Variants in SGCZ observed in about 807,000 individuals in gnomAD.
The protein encoded by SGCZ is sarcoglycan zeta.
A neutral mutation model predicts 41.3 loss-of-function variants in SGCZ; 40 were observed. The ratio of observed to expected loss-of-function variants is 0.97; its 90% confidence interval spans 0.75 to 1.26. The LOEUF (loss-of-function observed/expected upper bound fraction) is 1.26. SGCZ is among the 50% of genes most tolerant of loss of function. SGCZ has a pLI of 0.00. For synonymous variants in SGCZ, 206 were observed against 137.5 expected (o/e 1.50, Z -3.49); for missense variants, 552 against 369.8 (o/e 1.49, Z -4.04).
At chr8:14,759,953 T>C (rs1462758285) in intron 1 of SGCZ, among the ~76,000 whole-genome samples, 1 of 152,196 alleles carries the variant, frequency 6.6e-6, no homozygotes, top group East Asian at 1.9e-4. Flanking sequence ...ATTTAAAAAC[T>C]TGAAATTGTA....
At chr8:15,084,982 T>C (rs1303593676) in intron 1 of SGCZ, among the ~76,000 whole-genome samples, 2 of 152,180 alleles carry the variant, frequency 1.3e-5, no homozygotes, top group Admixed American at 6.5e-5. Flanking sequence ...GCAATAATTA[T>C]GATTATGTGC....
rs369145949 is a variant in SGCZ, at chr8:15,016,489, G to A, written c.39+221096C>T. Among the ~76,000 whole-genome samples, 42 of 152,302 alleles carry A rather than the reference G, an allele frequency of 2.8e-4. No homozygotes were observed. In the East Asian group the frequency reaches 4.8e-3, roughly 18 times the overall value. On this transcript the variant is annotated intron_variant, in intron 1 of 7. Coordinates refer to ENST00000382080, the MANE Select transcript of SGCZ (RefSeq NM_139167.4). ...CAATAGATGTCTCAGGTAAAAGAGA[G>A]AAGAGACACAAAGAAAGAATAAAGC...
intron 5 of SGCZ, among the ~76,000 whole-genome samples, chr8:14,141,779 C>T (rs559248576): frequency 6.6e-6 from 1 of 152,222 alleles, no homozygotes; most frequent in East Asian, 1.9e-4. Flanking sequence ...GGATCTAGAA[C>T]TAGAAAAACC....
intron 3 of SGCZ, among the ~76,000 whole-genome samples, chr8:14,240,791 C>T (rs536854520): frequency 6.6e-6 from 1 of 152,160 alleles, no homozygotes; most frequent in African/African-American, 2.4e-5. Flanking sequence ...AATACCATAT[C>T]TTTGTGGATT....
At position 14,127,546 on chromosome 8, in the gene SGCZ, C is replaced by G. The variant is rs1256286154; in HGVS notation, c.548-19311G>C. Among the ~76,000 whole-genome samples, 5 of 152,138 alleles carry G rather than the reference C, an allele frequency of 3.3e-5. No individual in the cohort carries two copies. The East Asian group carries it at 7.7e-4, about 24-fold the overall frequency. On this transcript the variant is annotated intron_variant, in intron 5 of 7. Coordinates refer to ENST00000382080, the MANE Select transcript of SGCZ (RefSeq NM_139167.4). The stretch of plus-strand genomic sequence containing the variant: ...TCTCGGCTCACTGCATCCTCCGCCT[C>G]CCGGGTTCATGCCATTAGCCTGCCT...
At chr8:14,937,808 G>A (rs979739136) in intron 1 of SGCZ, among the ~76,000 whole-genome samples, 3 of 151,988 alleles carry the variant, frequency 2.0e-5, no homozygotes, top group African/African-American at 7.2e-5. Context: ...AATGAATGCA[G>A]ATTGTAATGA....
intron 1 of SGCZ, among the ~76,000 whole-genome samples, chr8:14,745,163 G>T (rs1043747318): frequency 6.6e-6 from 1 of 151,704 alleles, no homozygotes; most frequent in Non-Finnish European, 1.5e-5. Context: ...TTTCTCTTTC[G>T]CTGTGCAACA....
At chr8:15,043,823 T>C (rs13248550) in intron 1 of SGCZ, among the ~76,000 whole-genome samples, 109,629 of 151,982 alleles carry the variant, frequency 0.72, 40,824 homozygotes, top group East Asian at 0.92. Flanking sequence ...TTCAGTAAAC[T>C]GTGGCTCTCA....
chr8:14,870,221 A>G (rs2130700767), intron 1 of SGCZ, among the ~76,000 whole-genome samples: 1 of 152,300 alleles, frequency 6.6e-6, no homozygotes, highest in South Asian at 2.1e-4. Context: ...GTACCAGAAC[A>G]GATAGATAGA....
At chr8:14,892,796 T>C (rs886744276) in intron 1 of SGCZ, among the ~76,000 whole-genome samples, 93 of 152,160 alleles carry the variant, frequency 6.1e-4, no homozygotes, top group African/African-American at 2.2e-3. Context: ...TGCTGGTGGA[T>C]TGTACCCATT....
chr8:14,405,264 A>T (rs914821328), intron 2 of SGCZ, among the ~76,000 whole-genome samples: 4 of 152,224 alleles, frequency 2.6e-5, no homozygotes, highest in African/African-American at 9.6e-5. Context: ...AATAAAATGT[A>T]GTTTAATGGG....
intron 2 of SGCZ, among the ~76,000 whole-genome samples, chr8:14,349,599 G>A (rs1803015607): frequency 6.6e-6 from 1 of 152,102 alleles, no homozygotes; most frequent in African/African-American, 2.4e-5. Flanking sequence ...AGATCCTAGT[G>A]GAGGACAGAT....
chr8:15,054,295 G>C (rs991183266), intron 1 of SGCZ, among the ~76,000 whole-genome samples: 1 of 152,132 alleles, frequency 6.6e-6, no homozygotes, highest in Admixed American at 6.5e-5. Flanking sequence ...TAATTCATAT[G>C]AGTCAGTTCA....
intron 5 of SGCZ, among the ~76,000 whole-genome samples, chr8:14,153,780 T>C (rs1022273939): frequency 6.6e-6 from 1 of 152,020 alleles, no homozygotes; most frequent in East Asian, 1.9e-4. Context: ...CTCAATGTGA[T>C]TGAGTTTGAA....
At chr8:14,859,631 C>T (rs780304741) in intron 1 of SGCZ, among the ~76,000 whole-genome samples, 3 of 152,070 alleles carry the variant, frequency 2.0e-5, no homozygotes, top group Non-Finnish European at 4.4e-5. Flanking sequence ...TGCTCCAAAC[C>T]TTTGGCTCCC....
chr8:14,434,524 G>A (rs1341592179), intron 2 of SGCZ, among the ~76,000 whole-genome samples: 3 of 152,064 alleles, frequency 2.0e-5, no homozygotes, highest in Non-Finnish European at 4.4e-5. Context: ...GTATTTTGAT[G>A]GCAATTGCAT....
intron 1 of SGCZ, among the ~76,000 whole-genome samples, chr8:14,855,649 C>T (rs1330533167): frequency 6.6e-6 from 1 of 152,160 alleles, no homozygotes; most frequent in Non-Finnish European, 1.5e-5. Flanking sequence ...TTAAAGAAAA[C>T]ATATGGTCAA....
intron 1 of SGCZ, among the ~76,000 whole-genome samples, chr8:15,180,234 G>C (rs569538159): frequency 6.6e-6 from 1 of 152,082 alleles, no homozygotes; most frequent in Non-Finnish European, 1.5e-5. Context: ...GTTCTCCCCA[G>C]TTTATCTGAG....
chr8:14,679,530 G>A (rs967155740), intron 1 of SGCZ, among the ~76,000 whole-genome samples: 12 of 150,984 alleles, frequency 7.9e-5, no homozygotes, highest in Admixed American at 4.6e-4. Flanking sequence ...ACATATATGT[G>A]CTTATAAAAT....
Sources: gnomAD v4.1 joint callset for allele counts (sites outside exome capture counted in the v4.1 genomes callset) on GRCh38, gnomAD v4.1.1 for gene constraint, MANE v1.5 for transcripts, NCBI Gene and HGNC (gene_info 2026-07-23, HGNC 2026-07-21) for gene names.